The following ZNF423 variants were observed in gnomAD, a reference collection of about 807,000 sequenced individuals.
ZNF423 encodes the protein Ebf-associated zinc finger protein.
ZNF423 carries 12 observed loss-of-function variants against 95.8 expected under a neutral mutation model. That is an observed-to-expected ratio of 0.13 (90% CI 0.08 to 0.20). The LOEUF (loss-of-function observed/expected upper bound fraction) is 0.20, where lower values mean the gene tolerates loss of function less well. Ranked by LOEUF, ZNF423 falls within the 10% of genes least tolerant of loss-of-function variation. The pLI is 1.00. For missense variants in ZNF423, 1,316 were observed against 1,737.1 expected (o/e 0.76, Z 4.31); for synonymous variants, 749 against 711.9 (o/e 1.05, Z -0.83).
chr16:49,548,108 A>G (rs1191043766), intron 5 of ZNF423, among the ~76,000 whole-genome samples: 1 of 152,186 alleles, frequency 6.6e-6, no homozygotes, highest in Non-Finnish European at 1.5e-5. Flanking sequence ...AGTGCCACAC[A>G]TCACCCACTG....
In ZNF423 at chr16:49,855,898, C is replaced by T. The variant is rs1375439112; in HGVS notation, c.-124G>A. The T allele has an allele frequency of 1.3e-5, 2 of 151,014 alleles. No homozygotes were observed. The highest frequency in any genetic ancestry group is 2.0e-4 in the East Asian group (1 of 5,074). 9.4% of individuals were successfully genotyped at this position (151,014 alleles called of 1,614,324 possible). ...CTCTTGGAAACTTTTTTTTTTGCAG[C>T]CCGGTTGGCGGCTGTGGGGAGCGGA... On this transcript the variant is annotated 5_prime_UTR_variant, in exon 1 of 8. Transcript: ENST00000563137. This position sits in a 1 kb window ranked among gnomAD's most constrained non-coding sequence, Gnocchi z 4.7.
chr16:49,697,356 A>G (rs1478139918), intron 3 of ZNF423, among the ~76,000 whole-genome samples: 1 of 152,054 alleles, frequency 6.6e-6, no homozygotes, highest in South Asian at 2.1e-4. Context: ...GATGTTTTTT[A>G]AAAGTCCCTC....
At chr16:49,832,468 C>T (rs1197792829) in intron 1 of ZNF423, among the ~76,000 whole-genome samples, 2 of 151,774 alleles carry the variant, frequency 1.3e-5, no homozygotes, top group Non-Finnish European at 2.9e-5. Context: ...CCAATATGGA[C>T]ATCAGGAGAG....
chr16:49,667,517 G>A (rs933792579), intron 3 of ZNF423, among the ~76,000 whole-genome samples: 2 of 152,240 alleles, frequency 1.3e-5, no homozygotes, highest in African/African-American at 4.8e-5. Flanking sequence ...ATTATCTTCT[G>A]AAGACCTGCT....
At chr16:49,562,519 A>G (rs1970052043) in intron 5 of ZNF423, among the ~76,000 whole-genome samples, 1 of 152,208 alleles carries the variant, frequency 6.6e-6, no homozygotes, top group South Asian at 2.1e-4. Flanking sequence ...AAGTATTTGT[A>G]TCAGGTGAGA....
At chr16:49,827,541 G>C (rs979269922) in intron 1 of ZNF423, among the ~76,000 whole-genome samples, 1 of 151,648 alleles carries the variant, frequency 6.6e-6, no homozygotes, top group East Asian at 1.9e-4. Context: ...TTTGAGTTGG[G>C]GTCTCATTCT....
At chr16:49,552,614 CA>C (rs1476531162) in intron 5 of ZNF423, among the ~76,000 whole-genome samples, 1 of 152,092 alleles carries the variant, frequency 6.6e-6, no homozygotes, top group Non-Finnish European at 1.5e-5. Context: ...AGCCAAAAAT[CA>C]ATAGTAATGC....
chr16:49,559,923 A>G (rs749174674), intron 5 of ZNF423, among the ~76,000 whole-genome samples: 1 of 152,216 alleles, frequency 6.6e-6, no homozygotes, highest in Non-Finnish European at 1.5e-5. Context: ...GCACACATCT[A>G]TGATTTCAAT....
Position 49,518,569 on chromosome 16 carries a change from C to T in ZNF423, c.3849+5055G>A, listed in dbSNP as rs1173247638. The stretch of plus-strand genomic sequence containing the variant: ...CAGCTTTCACATCAGTTACACAAAA[C>T]TCAGATGTTCCATTGCAAAAAAAAA... On this transcript the variant is annotated intron_variant, in intron 7 of 7. Transcript: ENST00000563137. 1.2e-5 allele frequency: 5 copies of T among 430,150 alleles called. No homozygotes were observed. In the East Asian group the frequency reaches 2.8e-4, roughly 24 times the overall value. The allele number at this position is 430,150 out of a possible 1,614,324, so 26.6% of individuals were successfully genotyped here. A position where few individuals can be genotyped will look rare whatever the true frequency, so the allele number is the denominator to read the frequency against.
chr16:49,654,341 G>T (rs1026780451), intron 3 of ZNF423, among the ~76,000 whole-genome samples: 3 of 152,210 alleles, frequency 2.0e-5, no homozygotes, highest in African/African-American at 7.2e-5. Context: ...TCTCCTGCAT[G>T]GCTAAGAGTA....
At chr16:49,779,463 C>A (rs2034173458) in intron 2 of ZNF423, among the ~76,000 whole-genome samples, 1 of 152,132 alleles carries the variant, frequency 6.6e-6, no homozygotes, top group Non-Finnish European at 1.5e-5. Flanking sequence ...TGCAGAATCT[C>A]AGGCCCTACC....
intron 5 of ZNF423, among the ~76,000 whole-genome samples, chr16:49,621,565 G>A (rs1461340756): frequency 6.6e-6 from 1 of 152,160 alleles, no homozygotes; most frequent in Non-Finnish European, 1.5e-5. Context: ...GCCTGCCTCA[G>A]ACCCCCAAGT....
intron 5 of ZNF423, among the ~76,000 whole-genome samples, chr16:49,601,748 T>G (rs1971381601): frequency 6.6e-6 from 1 of 152,214 alleles, no homozygotes. Flanking sequence ...GGTCCCCCCT[T>G]GGCTTTGGGA....
At chr16:49,580,918 G>A (rs1039649894) in intron 5 of ZNF423, among the ~76,000 whole-genome samples, 37 of 152,288 alleles carry the variant, frequency 2.4e-4, no homozygotes, top group African/African-American at 7.9e-4. Context: ...CCCACCAGGA[G>A]GACAGCCCGA....
At chr16:49,784,265 G>T (rs959051386) in intron 2 of ZNF423, among the ~76,000 whole-genome samples, 1 of 152,136 alleles carries the variant, frequency 6.6e-6, no homozygotes, top group Non-Finnish European at 1.5e-5. Context: ...GCCAGGTGCG[G>T]TGACACACAC....
At chr16:49,822,164 C>A (rs1474989481) in intron 1 of ZNF423, among the ~76,000 whole-genome samples, 2 of 144,282 alleles carry the variant, frequency 1.4e-5, no homozygotes, top group Non-Finnish European at 3.1e-5. Flanking sequence ...CTAAGTCACC[C>A]CCGCAGGAAT....
chr16:49,773,474 G>T (rs1046465867), intron 2 of ZNF423, among the ~76,000 whole-genome samples: 1 of 152,220 alleles, frequency 6.6e-6, no homozygotes, highest in Non-Finnish European at 1.5e-5. Context: ...TACAATTCAA[G>T]AGATTTGGGT....
At chr16:49,737,052 C>T (rs1192209141) in intron 2 of ZNF423, among the ~76,000 whole-genome samples, 2 of 152,052 alleles carry the variant, frequency 1.3e-5, no homozygotes, top group Non-Finnish European at 2.9e-5. Context: ...GTGAGCATCT[C>T]CTGGTACCAT....
intron 5 of ZNF423, among the ~76,000 whole-genome samples, chr16:49,602,121 AC>A (rs1342376434): frequency 6.6e-6 from 1 of 152,210 alleles, no homozygotes; most frequent in Non-Finnish European, 1.5e-5. Flanking sequence ...CCTGTCCTGG[AC>A]CAGAGATGCT....
Sources: gnomAD v4.1 joint callset for allele counts (sites outside exome capture counted in the v4.1 genomes callset) on GRCh38, gnomAD v4.1.1 for gene constraint, Gnocchi (gnomAD v3.1) non-coding constraint, MANE v1.5 for transcripts, NCBI Gene and HGNC (gene_info 2026-07-23, HGNC 2026-07-21) for gene names.